The following FBXL2 variants were observed in gnomAD, a reference collection of about 807,000 sequenced individuals.
FBXL2 encodes the protein F-box and leucine rich repeat protein 2, also known as F-box/LRR-repeat protein 2.
Under a neutral mutation model 69.2 loss-of-function variants are expected in FBXL2, and 38 were observed. The observed-to-expected ratio is 0.55, with a 90% CI of 0.42 to 0.72. The LOEUF (loss-of-function observed/expected upper bound fraction) is 0.72, where lower values mean the gene tolerates loss of function less well. Among genes scored for constraint, FBXL2 ranks in the 30% least tolerant of loss-of-function variants. The pLI is 0.00. For missense variants in FBXL2, 354 were observed against 520.3 expected (o/e 0.68, Z 3.11); for synonymous variants, 192 against 201.3 (o/e 0.95, Z 0.39).
At chr3:33,396,392 T>C (rs893672568) in intron 12 of FBXL2, 1 of 778,994 alleles carries the variant, frequency 1.3e-6, no homozygotes, top group Non-Finnish European at 2.0e-6. Flanking sequence ...AACTTTATAA[T>C]GTTATTTCGT....
Position 33,373,329 on chromosome 3 carries a change from TA to T in FBXL2, c.430del (p.Thr144GlnfsTer5). 6.2e-7 allele frequency: 1 copy of T among 1,613,376 alleles called. No homozygotes were observed. Among genetic ancestry groups the T allele is most frequent in the Non-Finnish European group, 8.5e-7 (1 of 1,179,266 alleles). On this transcript the variant is annotated frameshift_variant, in exon 7 of 15. Transcript: ENST00000484457. LOFTEE classifies it high-confidence loss of function. ...TGGATCTGACCTCCTGTGTGTCTAT[TA>T]CAAACAGCTCCTTGAAGGGGATCAG... is the stretch of plus-strand genomic sequence containing the variant. ...HLDLTSCVSI[T>X]NSSLKGISEG... is the part of the protein sequence containing the mutation.
chr3:33,371,720 A>C (rs1005782782), intron 5 of FBXL2, among the ~76,000 whole-genome samples: 1 of 152,014 alleles, frequency 6.6e-6, no homozygotes, highest in Non-Finnish European at 1.5e-5. Context: ...GACATTTTGA[A>C]TTTTACTTTG....
chr3:33,278,423 ATACT>A (rs1177808467), intron 1 of FBXL2: 1 of 152,262 alleles, frequency 6.6e-6, no homozygotes, highest in Non-Finnish European at 1.5e-5. Flanking sequence ...TAATAGGGAA[ATACT>A]TAGTTTTGTT....
At chr3:33,303,561 G>T (rs1337363118) in intron 2 of FBXL2, among the ~76,000 whole-genome samples, 2 of 152,036 alleles carry the variant, frequency 1.3e-5, no homozygotes, top group African/African-American at 2.4e-5. Flanking sequence ...GATACATTTT[G>T]CCTCAGAGCC....
At chr3:33,416,932 C>G in the FBXL2 span, 1 of 1,018,296 alleles carries the variant, frequency 9.8e-7, no homozygotes, top group Admixed American at 2.2e-5. Context: ...ATACATTACA[C>G]AATGATAGTT....
chr3:33,364,862 T>C, intron 5 of FBXL2, 143 bp downstream of exon 5: 4 of 745,682 alleles, frequency 5.4e-6, no homozygotes, highest in Non-Finnish European at 9.0e-6. Flanking sequence ...ACCAGGACTT[T>C]GGAATAGCAA....
At chr3:33,301,111 C>T (rs535265743) in intron 2 of FBXL2, among the ~76,000 whole-genome samples, 73 of 152,230 alleles carry the variant, frequency 4.8e-4, no homozygotes, top group African/African-American at 1.7e-3. Context: ...TGTAACAAAG[C>T]CCCCACCTCA....
chr3:33,418,251 T>TTTTA, the FBXL2 span, among the ~76,000 whole-genome samples: 6 of 152,108 alleles, frequency 3.9e-5, no homozygotes, highest in South Asian at 2.1e-4. Context: ...AAACATTAAT[T>TTTTA]TTTATTTATT....
At chr3:33,300,557 G>T (rs2036179956) in intron 2 of FBXL2, 1 of 152,170 alleles carries the variant, frequency 6.6e-6, no homozygotes, top group Non-Finnish European at 1.5e-5. Context: ...TGCCACTACA[G>T]ATCTTCTCCA....
At chr3:33,338,525 T>C (rs1408663418) in intron 2 of FBXL2, among the ~76,000 whole-genome samples, 1 of 152,032 alleles carries the variant, frequency 6.6e-6, no homozygotes, top group Admixed American at 6.6e-5. Flanking sequence ...GACTTCAAAC[T>C]ATACTGCAAG....
intron 2 of FBXL2, among the ~76,000 whole-genome samples, chr3:33,356,939 C>T (rs550196550): frequency 1.2e-4 from 18 of 152,262 alleles, no homozygotes; most frequent in Non-Finnish European, 2.2e-4. Context: ...CTGTGTTAAG[C>T]GTTCCAAAGC....
At chr3:33,326,852 T>C (rs1183529173) in intron 2 of FBXL2, among the ~76,000 whole-genome samples, 5 of 152,234 alleles carry the variant, frequency 3.3e-5, no homozygotes, top group Admixed American at 2.0e-4. Context: ...GCATCACTTT[T>C]TGTTATCCTA....
the FBXL2 span, among the ~76,000 whole-genome samples, chr3:33,420,651 G>A: frequency 6.6e-6 from 1 of 152,200 alleles, no homozygotes; most frequent in African/African-American, 2.4e-5. Flanking sequence ...AGTACGCCCA[G>A]CTAATTTTTG....
At chr3:33,346,846 T>A (rs2040477526) in intron 2 of FBXL2, among the ~76,000 whole-genome samples, 1 of 152,140 alleles carries the variant, frequency 6.6e-6, no homozygotes, top group South Asian at 2.1e-4. Flanking sequence ...ATTTTGTGGA[T>A]ACACAGTAAG....
chr3:33,299,231 G>A (rs933030611), intron 2 of FBXL2, among the ~76,000 whole-genome samples: 2 of 151,934 alleles, frequency 1.3e-5, no homozygotes, highest in African/African-American at 2.4e-5. Context: ...TAGTAGAGAC[G>A]GGGTTTCACT....
chr3:33,356,251 C>T (rs973842567), intron 2 of FBXL2, among the ~76,000 whole-genome samples: 2 of 152,130 alleles, frequency 1.3e-5, no homozygotes, highest in Non-Finnish European at 2.9e-5. Flanking sequence ...GAAACTGAGG[C>T]AAAATTAATC....
intron 2 of FBXL2, among the ~76,000 whole-genome samples, chr3:33,357,191 C>T (rs966686701): frequency 5.9e-5 from 9 of 152,178 alleles, no homozygotes; most frequent in East Asian, 1.9e-4. Context: ...ATTACTGAGA[C>T]GTGATAAAGG....
chr3:33,376,670 T>C (rs896507082), intron 10 of FBXL2, among the ~76,000 whole-genome samples: 3 of 152,244 alleles, frequency 2.0e-5, no homozygotes, highest in African/African-American at 7.2e-5. Context: ...AATCTCAAGA[T>C]GATTTTGTTG....
intron 2 of FBXL2, among the ~76,000 whole-genome samples, chr3:33,357,531 C>CTTTT (rs11425930): frequency 1.0e-4 from 13 of 129,432 alleles, no homozygotes; most frequent in South Asian, 2.4e-4. Flanking sequence ...TCCACTGAGT[C>CTTTT]TTTTTTTTTT....
Sources: gnomAD v4.1 joint callset for allele counts (sites outside exome capture counted in the v4.1 genomes callset) on GRCh38, gnomAD v4.1.1 for gene constraint, MANE v1.5 for transcripts, NCBI Gene and HGNC (gene_info 2026-07-23, HGNC 2026-07-21) for gene names.